GNA14: variants seen among roughly 807,000 people sequenced by gnomAD.
GNA14 encodes guanine nucleotide-binding protein subunit alpha-14.
In GNA14, 50 loss-of-function variants were observed where a neutral mutation model predicts 42.0. The observed-to-expected ratio is 1.19, with a 90% CI of 0.95 to 1.51. GNA14 has a LOEUF of 1.51. Among genes scored for constraint, GNA14 ranks in the 40% most tolerant of loss-of-function variants. GNA14 has a pLI of 0.00. For synonymous variants in GNA14, 173 were observed against 163.1 expected, an observed-to-expected ratio of 1.06 and a Z score of -0.46; for missense variants, 473 against 446.2, an observed-to-expected ratio of 1.06 and a Z score of -0.54.
At chr9:77,479,101 C>T (rs1360820761) in intron 2 of GNA14, among the ~76,000 whole-genome samples, 1 of 152,074 alleles carries the variant, frequency 6.6e-6, no homozygotes, top group Non-Finnish European at 1.5e-5. Flanking sequence ...CTTGCCCATG[C>T]CTATGTCCTG....
At chr9:77,470,119 C>T (rs1432594755) in intron 2 of GNA14, among the ~76,000 whole-genome samples, 1 of 152,122 alleles carries the variant, frequency 6.6e-6, no homozygotes, top group African/African-American at 2.4e-5. Flanking sequence ...ACCTCCCCAT[C>T]CTCTGGAGGC....
chr9:77,637,954 AAATACT>A (rs1344318218), intron 1 of GNA14, among the ~76,000 whole-genome samples: 2 of 152,196 alleles, frequency 1.3e-5, no homozygotes, highest in African/African-American at 4.8e-5. Flanking sequence ...TATTCTGAAA[AAATACT>A]GGAAGATCAA....
At chr9:77,641,799 G>C (rs1294887241) in intron 1 of GNA14, among the ~76,000 whole-genome samples, 5 of 152,084 alleles carry the variant, frequency 3.3e-5, no homozygotes, top group African/African-American at 1.2e-4. Flanking sequence ...CACAAATATT[G>C]CATCAAAGTG....
intron 1 of GNA14, among the ~76,000 whole-genome samples, chr9:77,579,644 G>T (rs1312558571): frequency 6.6e-6 from 1 of 152,128 alleles, no homozygotes; most frequent in Non-Finnish European, 1.5e-5. Context: ...ATGCCAAATA[G>T]ACTCTACATT....
intron 2 of GNA14, among the ~76,000 whole-genome samples, chr9:77,518,853 A>G (rs1837303830): frequency 6.6e-6 from 1 of 152,210 alleles, no homozygotes; most frequent in South Asian, 2.1e-4. Context: ...TTTTTTTAAA[A>G]AGAGAAAGTG....
chr9:77,511,356 T>A (rs182357106), intron 2 of GNA14, among the ~76,000 whole-genome samples: 1 of 152,142 alleles, frequency 6.6e-6, no homozygotes, highest in Non-Finnish European at 1.5e-5. Context: ...TAAACCTGCA[T>A]AGAAAACAGA....
chr9:77,647,436 T>C (rs1490301717), intron 1 of GNA14, among the ~76,000 whole-genome samples: 3 of 152,174 alleles, frequency 2.0e-5, no homozygotes, highest in Admixed American at 2.0e-4. Flanking sequence ...TACAGGTCCC[T>C]ATCCTGTTTT....
chr9:77,477,930 A>C (rs1443841183), intron 2 of GNA14, among the ~76,000 whole-genome samples: 7 of 152,120 alleles, frequency 4.6e-5, no homozygotes, highest in Non-Finnish European at 1.0e-4. Flanking sequence ...ATAAAATAAT[A>C]AGAAAATTAA....
At chr9:77,609,210 C>G (rs1364855469) in intron 1 of GNA14, among the ~76,000 whole-genome samples, 1 of 152,186 alleles carries the variant, frequency 6.6e-6, no homozygotes, top group African/African-American at 2.4e-5. Flanking sequence ...CACTGGAACA[C>G]AAACACAATG....
rs745804277 is a variant in GNA14, at chr9:77,549,046, T to G, written c.125-19793A>C. Among the ~76,000 whole-genome samples the G allele has an allele frequency of 4.6e-5, 7 of 152,302 alleles. No homozygotes were observed. The East Asian group carries it at 1.2e-3, about 25-fold the overall frequency. On this transcript the variant is annotated intron_variant, in intron 1 of 6. Coordinates refer to ENST00000341700, the MANE Select transcript of GNA14 (RefSeq NM_004297.4). ...CCTCCGTCTCCTGGGTTCAAGCGAT[T>G]GCCTCAGCCTCCCGAGTAGCTGGGA...
At chr9:77,580,070 T>C (rs1347371610) in intron 1 of GNA14, among the ~76,000 whole-genome samples, 1 of 152,214 alleles carries the variant, frequency 6.6e-6, no homozygotes, top group African/African-American at 2.4e-5. Flanking sequence ...ATATAGCACA[T>C]AACCAGGGTG....
At chr9:77,544,998 T>G (rs1030456695) in intron 1 of GNA14, among the ~76,000 whole-genome samples, 1 of 152,126 alleles carries the variant, frequency 6.6e-6, no homozygotes, top group Non-Finnish European at 1.5e-5. Flanking sequence ...TGCACAATTA[T>G]GATTGTCCAA....
At chr9:77,644,588 T>G (rs951006016) in intron 1 of GNA14, among the ~76,000 whole-genome samples, 1 of 152,178 alleles carries the variant, frequency 6.6e-6, no homozygotes, top group African/African-American at 2.4e-5. Context: ...ACCTTGCTCT[T>G]GGACTTCCAG....
intron 1 of GNA14, among the ~76,000 whole-genome samples, chr9:77,606,402 A>G (rs1823646704): frequency 6.6e-6 from 1 of 152,206 alleles, no homozygotes; most frequent in South Asian, 2.1e-4. Flanking sequence ...TATTTTTGGA[A>G]TTAGTTAATG....
intron 2 of GNA14, among the ~76,000 whole-genome samples, chr9:77,450,422 G>C (rs368350270): frequency 7.2e-5 from 11 of 152,150 alleles, no homozygotes; most frequent in African/African-American, 2.4e-4. Flanking sequence ...CTTACATGCC[G>C]CATCAAAGGA....
intron 2 of GNA14, among the ~76,000 whole-genome samples, chr9:77,481,290 C>T (rs977318457): frequency 1.3e-5 from 2 of 152,082 alleles, no homozygotes; most frequent in African/African-American, 4.8e-5. Context: ...TTATTTCTGC[C>T]TTCATTTTGT....
intron 1 of GNA14, among the ~76,000 whole-genome samples, chr9:77,633,153 CT>C (rs753673781): frequency 3.9e-5 from 6 of 152,034 alleles, no homozygotes; most frequent in Admixed American, 1.3e-4. Context: ...CAATTTCAAA[CT>C]AGGAAAAGCA....
intron 2 of GNA14, among the ~76,000 whole-genome samples, chr9:77,488,408 G>A (rs749854668): frequency 2.3e-4 from 35 of 152,148 alleles, no homozygotes; most frequent in Non-Finnish European, 3.2e-4. Context: ...CATCATGAGC[G>A]CCTGAAAAGA....
intron 1 of GNA14, among the ~76,000 whole-genome samples, chr9:77,535,277 G>A (rs993307853): frequency 2.6e-5 from 4 of 152,294 alleles, no homozygotes; most frequent in South Asian, 2.1e-4. Context: ...GGTGGCTCAC[G>A]CCTGTAATCC....
Sources: allele counts gnomAD v4.1 joint callset (sites outside exome capture counted in the v4.1 genomes callset), GRCh38; gene constraint gnomAD v4.1.1; transcripts MANE v1.5; gene names NCBI Gene and HGNC (gene_info 2026-07-23, HGNC 2026-07-21).